Variants in CDH12 observed in about 807,000 individuals in gnomAD.
The protein encoded by CDH12 is cadherin-12.
Under a neutral mutation model 74.1 loss-of-function variants are expected in CDH12, and 41 were observed. That is an observed-to-expected ratio of 0.55 (90% CI 0.43 to 0.72). The LOEUF is 0.72. CDH12 is among the 30% of genes least tolerant of loss of function. CDH12 has a pLI of 0.00. For missense variants in CDH12, 945 were observed against 977.2 expected, an observed-to-expected ratio of 0.97 and a Z score of 0.44; for synonymous variants, 399 against 355.0, an observed-to-expected ratio of 1.12 and a Z score of -1.39.
At chr5:22,514,225 C>T (rs1047351373) in intron 1 of CDH12, among the ~76,000 whole-genome samples, 1 of 151,736 alleles carries the variant, frequency 6.6e-6, no homozygotes, top group Non-Finnish European at 1.5e-5. Context: ...TTTAAAATCA[C>T]ACTGAAGATT....
chr5:22,645,519 G>A (rs950117436), intron 1 of CDH12, among the ~76,000 whole-genome samples: 3 of 152,022 alleles, frequency 2.0e-5, no homozygotes, highest in African/African-American at 7.2e-5. Flanking sequence ...TGGTAAAGAT[G>A]CTATGAACAT....
At chr5:21,780,392 T>G (rs1427461414) in intron 11 of CDH12, among the ~76,000 whole-genome samples, 1 of 152,204 alleles carries the variant, frequency 6.6e-6, no homozygotes, top group East Asian at 1.9e-4. Flanking sequence ...GACCTTATCG[T>G]TATGAGTGTC....
At chr5:22,270,971 C>A (rs1736374582) in intron 3 of CDH12, among the ~76,000 whole-genome samples, 1 of 152,104 alleles carries the variant, frequency 6.6e-6, no homozygotes, top group Non-Finnish European at 1.5e-5. Context: ...CCACGCCCGG[C>A]CCTTTACTTT....
At chr5:22,052,572 C>T (rs1282126098) in intron 5 of CDH12, among the ~76,000 whole-genome samples, 1 of 152,072 alleles carries the variant, frequency 6.6e-6, no homozygotes, top group Non-Finnish European at 1.5e-5. Context: ...TTGCTTTCTA[C>T]TGAGACAAGA....
chr5:21,812,719 G>A (rs1165778099), intron 9 of CDH12, among the ~76,000 whole-genome samples: 4 of 152,034 alleles, frequency 2.6e-5, no homozygotes, highest in East Asian at 1.9e-4. Context: ...CACAATACAC[G>A]ATACAATATA....
intron 4 of CDH12, among the ~76,000 whole-genome samples, chr5:22,176,698 C>G (rs567577986): frequency 6.6e-6 from 1 of 152,234 alleles, no homozygotes; most frequent in South Asian, 2.1e-4. Context: ...TGCTTCTGCT[C>G]TCCTACCAGT....
At chr5:22,025,536 G>C (rs1036828235) in intron 5 of CDH12, among the ~76,000 whole-genome samples, 3 of 152,136 alleles carry the variant, frequency 2.0e-5, no homozygotes, top group Admixed American at 2.0e-4. Context: ...GATGTTGATG[G>C]TTGTTAACTG....
At chr5:22,822,055 C>A (rs1749730374) in intron 1 of CDH12, among the ~76,000 whole-genome samples, 1 of 152,132 alleles carries the variant, frequency 6.6e-6, no homozygotes, top group African/African-American at 2.4e-5. Flanking sequence ...TGGAACAGAA[C>A]AGAGACCTCA....
chr5:22,161,317 G>GA, intron 4 of CDH12, among the ~76,000 whole-genome samples: 1 of 151,960 alleles, frequency 6.6e-6, no homozygotes, highest in Non-Finnish European at 1.5e-5. Context: ...GAATCCTTAT[G>GA]AAAAAATGAG....
intron 8 of CDH12, among the ~76,000 whole-genome samples, chr5:21,829,679 G>A: frequency 6.6e-6 from 1 of 152,134 alleles, no homozygotes; most frequent in East Asian, 1.9e-4. Flanking sequence ...AATAAATGGT[G>A]ACTTTAGGAT....
At chr5:22,055,194 G>A (rs1740656047) in intron 5 of CDH12, among the ~76,000 whole-genome samples, 1 of 152,092 alleles carries the variant, frequency 6.6e-6, no homozygotes, top group African/African-American at 2.4e-5. Flanking sequence ...TAAAGAGTGG[G>A]TTGTTGCAGT....
At chr5:22,450,720 C>A (rs373741682) in intron 2 of CDH12, among the ~76,000 whole-genome samples, 7 of 151,946 alleles carry the variant, frequency 4.6e-5, no homozygotes, top group African/African-American at 1.4e-4. Flanking sequence ...TTCAAATTAT[C>A]TAATGGTTTT....
At chr5:22,468,038 A>G (rs1483309706) in intron 2 of CDH12, among the ~76,000 whole-genome samples, 1 of 152,200 alleles carries the variant, frequency 6.6e-6, no homozygotes, top group Non-Finnish European at 1.5e-5. Flanking sequence ...GGATACTTGC[A>G]GTTAAAATGG....
chr5:22,063,293 T>C (rs990219807), intron 5 of CDH12, among the ~76,000 whole-genome samples: 2 of 152,190 alleles, frequency 1.3e-5, no homozygotes, highest in African/African-American at 4.8e-5. Flanking sequence ...TAAAAGCATA[T>C]GTTCTTATTG....
chr5:22,124,116 G>A (rs182312719), intron 4 of CDH12, among the ~76,000 whole-genome samples: 2 of 151,150 alleles, frequency 1.3e-5, no homozygotes, highest in African/African-American at 2.4e-5. Context: ...TACAGCGCGC[G>A]CCAACACTCC....
chr5:21,873,224 C>G (rs1751740414), intron 6 of CDH12, among the ~76,000 whole-genome samples: 1 of 152,110 alleles, frequency 6.6e-6, no homozygotes, highest in Non-Finnish European at 1.5e-5. Context: ...TCCATTATAC[C>G]TCCATGTACA....
At chr5:22,529,182 T>TAGAG (rs1436893052) in intron 1 of CDH12, among the ~76,000 whole-genome samples, 25 of 96,780 alleles carry the variant, frequency 2.6e-4, no homozygotes, top group Non-Finnish European at 4.0e-4. Context: ...TATATATATA[T>TAGAG]ATATATAGAG....
chr5:22,687,962 T>C (rs1002718581), intron 1 of CDH12, among the ~76,000 whole-genome samples: 1 of 152,172 alleles, frequency 6.6e-6, no homozygotes, highest in African/African-American at 2.4e-5. Flanking sequence ...GGTAGGATAT[T>C]GTGCATTTTT....
chr5:22,287,523 G>C (rs888493823), intron 3 of CDH12, among the ~76,000 whole-genome samples: 5 of 152,040 alleles, frequency 3.3e-5, no homozygotes, highest in African/African-American at 1.2e-4. Flanking sequence ...AGGAGATCGA[G>C]ACCATCTTGG....
Sources: gnomAD v4.1 joint callset for allele counts (sites outside exome capture counted in the v4.1 genomes callset) on GRCh38, gnomAD v4.1.1 for gene constraint, MANE v1.5 for transcripts, NCBI Gene and HGNC (gene_info 2026-07-23, HGNC 2026-07-21) for gene names.